Variants in TPM4 observed in about 807,000 individuals in gnomAD.
TPM4 encodes the protein tropomyosin alpha-4 chain.
Under a neutral mutation model 35.8 loss-of-function variants are expected in TPM4, and 17 were observed. That is an observed-to-expected ratio of 0.47 (90% confidence interval 0.32 to 0.71). TPM4 has a LOEUF of 0.71. Among genes scored for constraint, TPM4 ranks in the 30% least tolerant of loss-of-function variants. The pLI is 0.03. For synonymous variants in TPM4, 120 were observed against 122.9 expected, an observed-to-expected ratio of 0.98 and a Z score of 0.15; for missense variants, 240 against 320.9, an observed-to-expected ratio of 0.75 and a Z score of 1.93.
intron 7 of TPM4, chr19:16,095,158 G>C (rs895925253): frequency 3.1e-6 from 2 of 645,892 alleles, no homozygotes; most frequent in African/African-American, 2.0e-5. Flanking sequence ...GTTTGCTCAC[G>C]TGTTTTTTTC....
intron 2 of TPM4, among the ~76,000 whole-genome samples, chr19:16,068,659 T>G (rs189525686): frequency 6.6e-6 from 1 of 152,192 alleles, no homozygotes; most frequent in Non-Finnish European, 1.5e-5. Context: ...GTACACATAT[T>G]TGTGTGTTTG....
intron 1 of TPM4, among the ~76,000 whole-genome samples, chr19:16,078,859 C>T (rs1301469122): frequency 2.0e-5 from 3 of 148,900 alleles, no homozygotes; most frequent in African/African-American, 7.4e-5. Context: ...ACCTTTCACT[C>T]TTGTAGAATA....
chr19:16,067,623 C>G lies in TPM4; in HGVS notation c.-2C>G. 6.2e-7 allele frequency: 1 copy of G among 1,612,928 alleles called. No individual in the cohort carries two copies. Among genetic ancestry groups the G allele is most frequent in the Non-Finnish European group, 8.5e-7 (1 of 1,179,574 alleles). ...CCACGTCCCCCACGCCAGCGCCCAG[C>G]CATGGAGGCCATCAAGAAGAAAATG... On this transcript the variant is annotated 5_prime_UTR_variant, in exon 2 of 3. Transcript: ENST00000589897. This position sits in a 1 kb window ranked among gnomAD's most constrained non-coding sequence, Gnocchi z 4.1.
At chr19:16,095,203 G>A (rs959072405) in intron 7 of TPM4, 10 of 1,003,398 alleles carry the variant, frequency 1.0e-5, no homozygotes, top group East Asian at 6.9e-5. Context: ...ACTCCATTCC[G>A]ACCCTTGCCT....
chr19:16,088,390 A>C, intron 4 of TPM4: 1 of 1,254,196 alleles, frequency 8.0e-7, no homozygotes, highest in South Asian at 1.6e-5. Context: ...CAGAGAGGAT[A>C]TCTCAGGGGG....
Position 16,076,629 on chromosome 19 carries a change from G to C in TPM4, c.64G>C (p.Asp22His). Reference protein sequence around the residue: ...RKIQALQQQADEAEDRAQGLQ... With the variant: ...RKIQALQQQAHEAEDRAQGLQ... ...GATCCAGGCCCTGCAGCAGCAGGCG[G>C]ACGAGGCGGAAGACCGCGCGCAGGG... The change falls in exon 1 of 8, where the codon GAC (aspartate) becomes CAC (histidine). Residue 22 changes from aspartate (D) to histidine (H), a missense_variant. Transcript: ENST00000643579. 1 of 1,460,408 alleles carries C rather than the reference G, an allele frequency of 6.8e-7. No homozygotes were observed. Among genetic ancestry groups the C allele is most frequent in the Non-Finnish European group, 9.0e-7 (1 of 1,112,426 alleles). 90.5% of individuals were successfully genotyped at this position (1,460,408 alleles called of 1,614,324 possible).
chr19:16,088,550 GA>G, intron 4 of TPM4: 2 of 1,041,496 alleles, frequency 1.9e-6, no homozygotes. Context: ...AGCAAGCACC[GA>G]AAAACAAAAC....
chr19:16,092,040 G>T (rs1467580565), intron 5 of TPM4, among the ~76,000 whole-genome samples: 1 of 151,958 alleles, frequency 6.6e-6, no homozygotes, highest in African/African-American at 2.4e-5. Context: ...GCATGGTGGT[G>T]GGCGCCTGTA....
At chr19:16,075,606 T>C (rs2090395286), upstream of TPM4, 1 of 158,222 alleles carries the variant, frequency 6.3e-6, no homozygotes, top group Non-Finnish European at 1.4e-5. Flanking sequence ...AGAAAGTTTC[T>C]CTGACCCCGT....
chr19:16,076,024 G>T, upstream of TPM4: 1 of 1,361,056 alleles, frequency 7.3e-7, no homozygotes, highest in Non-Finnish European at 1.0e-6. Context: ...AGGCTGACCC[G>T]TTCCTCGCTC....
At chr19:16,081,281 C>G (rs2090479238) in intron 1 of TPM4, 1 of 389,926 alleles carries the variant, frequency 2.6e-6, no homozygotes, top group Non-Finnish European at 4.5e-6. Flanking sequence ...TAGATCTTAG[C>G]CTAACGTTGG....
rs570608541 is a variant in TPM4 at position 16,081,839 on chromosome 19, C to T, written c.133-74C>T. On this transcript the variant is annotated intron_variant, in intron 1 of 7. Transcript: ENST00000643579. The stretch of plus-strand genomic sequence containing the variant: ...CGGGGAAGATCAGGTTAACAGAGGG[C>T]AGGACATGGGGGAGGCTCCCACTGG... 6.8e-6 allele frequency: 10 copies of T among 1,477,608 alleles called. No individual in the cohort carries two copies. The African/African-American group carries it at 1.4e-4, about 20-fold the overall frequency. 91.5% of individuals were successfully genotyped at this position (1,477,608 alleles called of 1,614,324 possible). A position where few individuals can be genotyped will look rare whatever the true frequency, so the allele number is the denominator to read the frequency against.
At chr19:16,076,993 G>A (rs2090417011) in intron 1 of TPM4, 1 of 397,900 alleles carries the variant, frequency 2.5e-6, no homozygotes, top group Non-Finnish European at 3.9e-6. Context: ...TCCGGGTGGA[G>A]AAGTGGAGCG....
intron 3 of TPM4, among the ~76,000 whole-genome samples, chr19:16,087,277 C>T (rs1256789239): frequency 6.6e-6 from 1 of 152,034 alleles, no homozygotes; most frequent in African/African-American, 2.4e-5. Context: ...GCAAGACCCT[C>T]TGTCAAAAAC....
intron 5 of TPM4, chr19:16,093,103 C>G (rs73517717): frequency 0.027 from 4,652 of 170,246 alleles, 265 homozygotes; most frequent in African/African-American, 0.11. Flanking sequence ...AATTCTCCCA[C>G]CATGGTCCCC....
upstream of TPM4, among the ~76,000 whole-genome samples, chr19:16,072,011 G>A (rs964783087): frequency 5.9e-5 from 9 of 152,288 alleles, no homozygotes; most frequent in East Asian, 9.7e-4. Context: ...TAGTAAAGAC[G>A]GGGTTTCACC....
rs1226875058 is a variant in TPM4 at position 16,093,606 on chromosome 19, T to A, written c.594+8T>A. On this transcript the variant is annotated splice_region_variant and intron_variant, in intron 6 of 7. Coordinates refer to ENST00000643579, the MANE Select transcript of TPM4 (RefSeq NM_003290.3). ...TCTGACAAACTGAAAGAGGTGAGTG[T>A]GGTGGCACCCAGCGAGCTCTGGTTT... 3 of 1,614,188 alleles carry A rather than the reference T, an allele frequency of 1.9e-6. No individual in the cohort carries two copies. In the East Asian group the frequency reaches 6.7e-5, roughly 36 times the overall value.
Position 16,067,989 on chromosome 19 carries a change from G to T in TPM4, c.114+251G>T, listed in dbSNP as rs1259337243. 2.0e-6 allele frequency: 1 copy of T among 496,376 alleles called. No individual in the cohort carries two copies. The allele number at this position is 496,376 out of a possible 1,614,324, so 30.7% of individuals were successfully genotyped here. A position where few individuals can be genotyped will look rare whatever the true frequency, so the allele number is the denominator to read the frequency against. On this transcript the variant is annotated intron_variant, in intron 2 of 2. Transcript: ENST00000589897. The surrounding 1 kb of genome is among the most constrained non-coding windows in gnomAD (Gnocchi z 4.1). ...TGAGTTTGACAGAGAGAGAGTTGGCGGGGGAGGGAGAGTGAGAACGTTCGT... is the reference window on the plus strand; with the variant it reads ...TGAGTTTGACAGAGAGAGAGTTGGCTGGGGAGGGAGAGTGAGAACGTTCGT...
chr19:16,084,578 C>T (rs2090524877), intron 2 of TPM4, among the ~76,000 whole-genome samples: 1 of 152,236 alleles, frequency 6.6e-6, no homozygotes, highest in Non-Finnish European at 1.5e-5. Flanking sequence ...ACCATGTCCC[C>T]AGAGGCCTTT....
Sources: gnomAD v4.1 joint callset for allele counts (sites outside exome capture counted in the v4.1 genomes callset) on GRCh38, gnomAD v4.1.1 for gene constraint, Gnocchi (gnomAD v3.1) non-coding constraint, MANE v1.5 for transcripts, NCBI Gene and HGNC (gene_info 2026-07-23, HGNC 2026-07-21) for gene names.